ZC3H12B: variants seen among roughly 807,000 people sequenced by gnomAD.
ZC3H12B encodes probable ribonuclease ZC3H12B.
Under a neutral mutation model 43.9 loss-of-function variants are expected in ZC3H12B, and 7 were observed. The observed-to-expected ratio is 0.16, with a 90% CI of 0.09 to 0.30. The LOEUF (loss-of-function observed/expected upper bound fraction) is 0.30, where lower values mean the gene tolerates loss of function less well. Ranked by LOEUF, ZC3H12B falls within the 10% of genes least tolerant of loss-of-function variation. The pLI is 1.00. For synonymous variants in ZC3H12B, 222 were observed against 241.7 expected (o/e 0.92, Z 0.76); for missense variants, 475 against 670.2 (o/e 0.71, Z 3.22).
intron 1 of ZC3H12B, among the ~76,000 whole-genome samples, chrX:65,496,912 T>G (rs1378840328): frequency 2.1e-5 from 2 of 93,762 alleles, no homozygotes; most frequent in African/African-American, 8.3e-5. Flanking sequence ...GCCGAGATTG[T>G]GCCACTGTAC....
the ZC3H12B span, among the ~76,000 whole-genome samples, chrX:65,146,651 G>A: frequency 9.0e-6 from 1 of 111,618 alleles, no homozygotes; most frequent in African/African-American, 3.3e-5. Context: ...CTCATGGGGT[G>A]TTCCTTTTAT....
At chrX:65,252,360 G>T in the ZC3H12B span, among the ~76,000 whole-genome samples, 2 of 111,473 alleles carry the variant, frequency 1.8e-5, no homozygotes, top group Admixed American at 9.6e-5. Flanking sequence ...GAGGATTTTT[G>T]CATCAATGTT....
At chrX:65,119,786 T>G in the ZC3H12B span, among the ~76,000 whole-genome samples, 2 of 111,956 alleles carry the variant, frequency 1.8e-5, no homozygotes, top group Non-Finnish European at 3.8e-5. Context: ...TTAGGTCTAA[T>G]ATTTAAGTCT....
chrX:65,380,988 C>G (rs1442522642), intron 2 of ZC3H12B, among the ~76,000 whole-genome samples: 2 of 111,253 alleles, frequency 1.8e-5, no homozygotes, highest in Non-Finnish European at 3.8e-5. Flanking sequence ...GACTTAGACT[C>G]CCAAACATTA....
chrX:65,502,412 C>G, exon 5 of ZC3H12B: 1 of 1,210,822 alleles, frequency 8.3e-7, no homozygotes, highest in South Asian at 1.8e-5. Flanking sequence ...TGAAGTAGAC[C>G]GGGGGGTGTA....
the ZC3H12B span, among the ~76,000 whole-genome samples, chrX:65,195,561 G>C: frequency 8.9e-6 from 1 of 112,008 alleles, no homozygotes; most frequent in Non-Finnish European, 1.9e-5. Context: ...GTCTTGAAAA[G>C]ATATTGTATT....
At chrX:65,104,888 G>T in the ZC3H12B span, among the ~76,000 whole-genome samples, 96 of 111,435 alleles carry the variant, frequency 8.6e-4, no homozygotes, top group Non-Finnish European at 1.7e-3. Context: ...ATTTGACCCA[G>T]CAATCCCATT....
the ZC3H12B span, among the ~76,000 whole-genome samples, chrX:65,145,554 T>C: frequency 8.9e-6 from 1 of 112,130 alleles, no homozygotes. Context: ...CTTTTTGTTT[T>C]TGTTTTTTAA....
chrX:65,405,046 T>C (rs1443869819), intron 3 of ZC3H12B, among the ~76,000 whole-genome samples: 1 of 112,223 alleles, frequency 8.9e-6, no homozygotes, highest in Non-Finnish European at 1.9e-5. Context: ...AATGATAAGA[T>C]AAATTTGGGA....
the ZC3H12B span, among the ~76,000 whole-genome samples, chrX:65,273,933 G>A: frequency 8.9e-6 from 1 of 112,373 alleles, no homozygotes; most frequent in Non-Finnish European, 1.9e-5. Context: ...CCTTACCCAA[G>A]AAGGGAACAC....
At chrX:65,239,086 A>G in the ZC3H12B span, among the ~76,000 whole-genome samples, 2 of 111,341 alleles carry the variant, frequency 1.8e-5, no homozygotes, top group Non-Finnish European at 3.8e-5. Context: ...AGTTCTGTAG[A>G]TGGTTCTGCT....
At chrX:65,145,595 A>G in the ZC3H12B span, among the ~76,000 whole-genome samples, 2 of 110,700 alleles carry the variant, frequency 1.8e-5, no homozygotes, top group African/African-American at 6.6e-5. Context: ...GTCCTGTGAG[A>G]TTTATGCTTT....
the ZC3H12B span, among the ~76,000 whole-genome samples, chrX:65,205,889 A>T: frequency 8.9e-6 from 1 of 112,098 alleles, no homozygotes; most frequent in Non-Finnish European, 1.9e-5. Context: ...CCAAGCTGAG[A>T]ATCAAATCAA....
chrX:65,114,001 A>ATATATATATG, the ZC3H12B span, among the ~76,000 whole-genome samples: 1 of 54,258 alleles, frequency 1.8e-5, no homozygotes, highest in African/African-American at 4.2e-5. Flanking sequence ...ATATATATAT[A>ATATATATATG]TATATATATA....
the ZC3H12B span, among the ~76,000 whole-genome samples, chrX:65,174,303 A>G: frequency 8.9e-6 from 1 of 112,452 alleles, no homozygotes; most frequent in Non-Finnish European, 1.9e-5. Flanking sequence ...CTTGTTTTTC[A>G]AAAGTGACGT....
chrX:65,257,564 C>T, the ZC3H12B span, among the ~76,000 whole-genome samples: 2 of 110,070 alleles, frequency 1.8e-5, no homozygotes, highest in African/African-American at 6.6e-5. Context: ...AACAAACCTG[C>T]ACATTGTGCA....
chrX:65,433,506 G>A (rs1005385188), intron 3 of ZC3H12B, among the ~76,000 whole-genome samples: 9 of 111,410 alleles, frequency 8.1e-5, no homozygotes, highest in African/African-American at 2.9e-4. Context: ...CTGGAACTGG[G>A]GAACTAATCA....
At chrX:65,298,023 C>T in the ZC3H12B span, among the ~76,000 whole-genome samples, 220 of 112,003 alleles carry the variant, frequency 2.0e-3, 1 homozygote, top group African/African-American at 6.7e-3. Context: ...TTTTAATCTT[C>T]TAAGACTGGG....
the ZC3H12B span, among the ~76,000 whole-genome samples, chrX:65,322,482 C>T: frequency 8.9e-6 from 1 of 112,359 alleles, no homozygotes; most frequent in African/African-American, 3.2e-5. Flanking sequence ...TCCTAAACAA[C>T]ATTTATTGAG....
Sources: allele counts gnomAD v4.1 joint callset (sites outside exome capture counted in the v4.1 genomes callset), GRCh38; gene constraint gnomAD v4.1.1; transcripts MANE v1.5; gene names NCBI Gene and HGNC (gene_info 2026-07-23, HGNC 2026-07-21).